The following ARID2 variants were observed in gnomAD, a reference collection of about 807,000 sequenced individuals.
ARID2 encodes AT-rich interaction domain 2.
In ARID2, 32 loss-of-function variants were observed where a neutral mutation model predicts 184.6. The observed-to-expected ratio is 0.17, with a 90% CI of 0.13 to 0.23. The LOEUF is 0.23. ARID2 is among the 10% of genes least tolerant of loss of function. The pLI, the probability that ARID2 is intolerant of heterozygous loss-of-function variation, is 1.00. For missense variants in ARID2, 1,696 were observed against 2,197.6 expected (o/e 0.77, Z 4.56); for synonymous variants, 836 against 772.6 (o/e 1.08, Z -1.36).
intron 6 of ARID2, among the ~76,000 whole-genome samples, chr12:45,835,900 CAA>C (rs543677456): frequency 7.4e-6 from 1 of 134,734 alleles, no homozygotes; most frequent in Non-Finnish European, 1.6e-5. Flanking sequence ...AACTCCATCT[CAA>C]AAAAAAAAAC....
chr12:45,837,075 G>A lies in ARID2; in HGVS notation c.1023+84G>A. The A allele has an allele frequency of 8.0e-6, 12 of 1,497,208 alleles. No homozygotes were observed. In the South Asian group the frequency reaches 1.6e-4, roughly 20 times the overall value. 92.7% of individuals were successfully genotyped at this position (1,497,208 alleles called of 1,614,324 possible). On this transcript the variant is annotated intron_variant, in intron 8 of 20. Transcript: ENST00000334344. ...TTTTAGGATGTGGCATTTTATAGTT[G>A]CCATATTTATAGACTATTAAATGCT...
chr12:45,867,114 C>A (rs1943843224), intron 16 of ARID2, among the ~76,000 whole-genome samples: 2 of 151,916 alleles, frequency 1.3e-5, no homozygotes, highest in Non-Finnish European at 2.9e-5. Context: ...CCATGCCCAG[C>A]TAATTTTTGT....
rs116501674 is a variant in ARID2 at position 45,816,383 on chromosome 12, T to C, written c.419-1287T>C. On this transcript the variant is annotated intron_variant, in intron 4 of 20. Transcript: ENST00000334344. ...GGAGAAAATATGTGCAAAGCAAATATGAAACAAAGGACTCATTTAGAGTAT... is the reference window on the plus strand; with the variant it reads ...GGAGAAAATATGTGCAAAGCAAATACGAAACAAAGGACTCATTTAGAGTAT... 4.0e-3 allele frequency among the ~76,000 whole-genome samples: 616 copies of C among 152,278 alleles called. 10 individuals are homozygous for C. The highest frequency in any genetic ancestry group is 0.013 in the African/African-American group (553 of 41,560).
chr12:45,899,785 C>G (rs536234777), intron 20 of ARID2, among the ~76,000 whole-genome samples: 1 of 130,452 alleles, frequency 7.7e-6, no homozygotes, highest in East Asian at 2.1e-4. Context: ...TTTACCCCCC[C>G]CTCCCACCTC....
In ARID2 at chr12:45,852,334, A is replaced by G. The variant is rs1176898641; in HGVS notation, c.4211A>G (p.Gln1404Arg). ...EPQGTLDITQ[Q>R]DTAKGDQLER... ...CAAGGGACTTTAGATATCACTCAGC[A>G]AGATACTGCCAAAGGTGATCAACTA... The change falls in exon 15 of 21, where the codon CAA becomes CGA. Residue 1404 changes from glutamine (Q) to arginine (R), a missense_variant. Coordinates refer to ENST00000334344, the MANE Select transcript of ARID2 (RefSeq NM_152641.4). 3.1e-6 allele frequency: 5 copies of G among 1,614,116 alleles called. No individual in the cohort carries two copies. The African/African-American group carries it at 4.0e-5, about 13-fold the overall frequency.
chr12:45,810,047 A>G (rs1341848453), intron 3 of ARID2, among the ~76,000 whole-genome samples: 4 of 152,234 alleles, frequency 2.6e-5, no homozygotes, highest in South Asian at 2.1e-4. Context: ...AAATGGACTA[A>G]GCACCTGCCT....
intron 3 of ARID2, among the ~76,000 whole-genome samples, chr12:45,773,953 TC>T (rs1941929602): frequency 6.6e-6 from 1 of 152,104 alleles, no homozygotes; most frequent in Non-Finnish European, 1.5e-5. Context: ...TTATTTATCT[TC>T]CCCTGTGACT....
chr12:45,901,535 G>A (rs993119187), intron 20 of ARID2, among the ~76,000 whole-genome samples: 2 of 151,964 alleles, frequency 1.3e-5, no homozygotes, highest in Admixed American at 1.3e-4. Context: ...ATAACATCCT[G>A]TTCTTAGTGG....
chr12:45,786,766 C>T (rs1434465092), intron 3 of ARID2, among the ~76,000 whole-genome samples: 2 of 152,016 alleles, frequency 1.3e-5, no homozygotes, highest in Non-Finnish European at 1.5e-5. Context: ...GATGAGTGCA[C>T]GGAGAAAATG....
rs150120839 is a variant in ARID2 at position 45,794,734 on chromosome 12, T to G, written c.285-16684T>G. ...CCCTAGCTTCCCCGATGGTAACAGA[T>G]TTTTCTTTTTCATTTGGCCAGAGCA... On this transcript the variant is annotated intron_variant, in intron 3 of 20. Transcript: ENST00000334344. Among the ~76,000 whole-genome samples, 360 of 152,326 alleles carry G rather than the reference T, an allele frequency of 2.4e-3. 4 individuals carry two copies. The highest frequency in any genetic ancestry group is 7.9e-3 in the African/African-American group (329 of 41,572).
At position 45,843,471 on chromosome 12, in the gene ARID2, A is replaced by G. The variant is rs376279952; in HGVS notation, c.1499-3385A>G. ...ACTTCTACCACCTGGGCTCAAGACT[A>G]TCCTCCCACCTCAGCCTCCTGAGTA... On this transcript the variant is annotated intron_variant, in intron 11 of 20. Coordinates refer to ENST00000334344, the MANE Select transcript of ARID2 (RefSeq NM_152641.4). Among the ~76,000 whole-genome samples the G allele has an allele frequency of 2.2e-3, 337 of 151,000 alleles. 12 individuals are homozygous for G. The South Asian group carries it at 0.066, about 30-fold the overall frequency.
intron 3 of ARID2, among the ~76,000 whole-genome samples, chr12:45,769,790 CAT>C (rs1314391862): frequency 6.6e-6 from 1 of 152,124 alleles, no homozygotes; most frequent in East Asian, 1.9e-4. Context: ...AGAGCAGCAA[CAT>C]AAAAACATGT....
intron 16 of ARID2, among the ~76,000 whole-genome samples, chr12:45,877,886 C>CT (rs760252007): frequency 7.9e-5 from 12 of 152,146 alleles, no homozygotes; most frequent in Non-Finnish European, 1.6e-4. Context: ...TGAAGATCTC[C>CT]TTTTAACATT....
At chr12:45,780,510 TTAA>T (rs1252362307) in intron 3 of ARID2, among the ~76,000 whole-genome samples, 2 of 152,290 alleles carry the variant, frequency 1.3e-5, no homozygotes, top group African/African-American at 4.8e-5. Flanking sequence ...CATGTTGGAA[TTAA>T]TGATACTATA....
chr12:45,844,042 C>CT (rs1384520049), intron 11 of ARID2, among the ~76,000 whole-genome samples: 1 of 151,840 alleles, frequency 6.6e-6, no homozygotes, highest in African/African-American at 2.4e-5. Context: ...TTCTCTCTTT[C>CT]TTTTTTTTGA....
At chr12:45,904,301 C>T (rs1046145657) in intron 20 of ARID2, 4 of 713,214 alleles carry the variant, frequency 5.6e-6, no homozygotes, top group African/African-American at 3.5e-5. Context: ...CATTTTGTTC[C>T]TCTCCAGCTG....
rs1944521450 is a variant in ARID2 at position 45,905,928 on chromosome 12, TTTTTCTTTTTTC to T, written c.*855_*866del. 2 of 226,694 alleles carry T rather than the reference TTTTTCTTTTTTC, an allele frequency of 8.8e-6. No individual in the cohort carries two copies. Among genetic ancestry groups the T allele is most frequent in the African/African-American group, 5.0e-5 (2 of 39,700 alleles). 14.0% of individuals were successfully genotyped at this position (226,694 alleles called of 1,614,324 possible). ...AACAGTTTTGTGGAACTGTGATTTT[TTTTTCTTTTTTC>T]TTTTTTTTTTTCTTTTTTTTTTTGT... On this transcript the variant is annotated 3_prime_UTR_variant, in exon 21 of 21. Transcript: ENST00000334344.
rs190517410 is a variant in ARID2, at chr12:45,849,601, A to T, written c.1737A>T (p.Thr579=). 6.2e-7 allele frequency: 1 copy of T among 1,612,296 alleles called. No individual in the cohort carries two copies. The highest frequency in any genetic ancestry group is 1.3e-5 in the African/African-American group (1 of 74,886). ...KCLRTVFPNH[T]VKRVEDSSSN... ...ACAGAACGGTCTTTCCAAATCATAC[A>T]GTGAAGAGAGTGGAGGATTCCAGTA... The change falls in exon 14 of 21, where the codon ACA becomes ACT. Residue 579 remains threonine, a synonymous_variant. Transcript: ENST00000334344.
chr12:45,833,543 G>A (rs989635126), intron 6 of ARID2, among the ~76,000 whole-genome samples: 1 of 152,114 alleles, frequency 6.6e-6, no homozygotes, highest in Non-Finnish European at 1.5e-5. Flanking sequence ...TTGTGTGAGT[G>A]TGACATTGTT....
Sources: allele counts gnomAD v4.1 joint callset (sites outside exome capture counted in the v4.1 genomes callset), GRCh38; gene constraint gnomAD v4.1.1; transcripts MANE v1.5; gene names NCBI Gene and HGNC (gene_info 2026-07-23, HGNC 2026-07-21).